Variants in XIRP2 observed in about 807,000 individuals in gnomAD.
XIRP2 encodes xin actin-binding repeat-containing protein 2.
XIRP2 carries 236 observed loss-of-function variants against 277.0 expected under a neutral mutation model. The ratio of observed to expected loss-of-function variants is 0.85; its 90% CI spans 0.77 to 0.95. The LOEUF is 0.95. Among genes scored for constraint, XIRP2 ranks in the 40% least tolerant of loss-of-function variants. The probability of loss-of-function intolerance (pLI) is 0.00; values close to 1 mark genes in which losing one functional copy is unlikely to be tolerated. For synonymous variants in XIRP2, 1,490 were observed against 1,416.5 expected (o/e 1.05, Z -1.17); for missense variants, 4,640 against 4,157.5 (o/e 1.12, Z -3.19).
Position 167,247,409 on chromosome 2 carries a change from A to T in XIRP2, c.6017A>T (p.His2006Leu). ...AGTCAAACTATGGGGAAATCTTGCC[A>T]TGGCAATTTAGTAGAAGAAAGAACT... ...TLSQTMGKSC[H>L]GNLVEERTEV... The change falls in exon 9 of 11, where the codon CAT becomes CTT. Residue 2006 changes from histidine (H) to leucine (L), a missense_variant. His to Leu is a moderately conservative substitution (Grantham distance 99). Transcript: ENST00000409195. 6.2e-7 allele frequency: 1 copy of T among 1,613,754 alleles called. No homozygotes were observed. The highest frequency in any genetic ancestry group is 8.5e-7 in the Non-Finnish European group (1 of 1,179,774).
In XIRP2 at chr2:167,082,252, A is replaced by G. The variant is rs1689759464; in HGVS notation, c.409-53657A>G. Among the ~76,000 whole-genome samples the G allele has an allele frequency of 2.0e-5, 3 of 152,146 alleles. No homozygotes were observed. In the South Asian group the frequency reaches 6.2e-4, roughly 31 times the overall value. On this transcript the variant is annotated intron_variant, in intron 2 of 10. Coordinates refer to ENST00000409195, the MANE Select transcript of XIRP2 (RefSeq NM_152381.6). ...AGAATGATGCTTTCCAATTTCATCC[A>G]TGTCCCTACAAAGGACATGAACTCA...
intron 2 of XIRP2, among the ~76,000 whole-genome samples, chr2:166,934,209 A>C (rs532004621): frequency 7.3e-5 from 11 of 151,102 alleles, no homozygotes; most frequent in East Asian, 1.9e-4. Context: ...AAAAAAAAAA[A>C]AAAAACAAAA....
chr2:167,252,721 G>A (rs1695551413), intron 9 of XIRP2, among the ~76,000 whole-genome samples: 1 of 151,718 alleles, frequency 6.6e-6, no homozygotes. Flanking sequence ...CAATTAATGA[G>A]GCTTCATGAT....
rs757686310 is a variant in XIRP2, at chr2:167,248,292, T to C, written c.6900T>C (p.Ser2300=). 25 of 1,613,546 alleles carry C rather than the reference T, an allele frequency of 1.5e-5. No individual in the cohort carries two copies. Among genetic ancestry groups the C allele is most frequent in the Non-Finnish European group, 1.9e-5 (23 of 1,179,780 alleles). Residue 2300 remains serine (S), a synonymous_variant, in exon 9 of 11, where the codon TCT becomes TCC. Transcript: ENST00000409195. ...CATCTCCACCTCCTCCACCACCTTC[T>C]AATGCATCATCTGAAATTGAATTTC... The part of the protein sequence containing the change: ...PPPSPPPPPP[S]NASSEIEFPL...
intron 2 of XIRP2, among the ~76,000 whole-genome samples, chr2:166,973,640 A>G (rs982869394): frequency 6.6e-6 from 1 of 152,172 alleles, no homozygotes; most frequent in African/African-American, 2.4e-5. Flanking sequence ...TCAGCATCAC[A>G]TGGACACTTC....
At chr2:166,937,605 C>G (rs1330264151) in intron 2 of XIRP2, among the ~76,000 whole-genome samples, 1 of 152,096 alleles carries the variant, frequency 6.6e-6, no homozygotes, top group Admixed American at 6.6e-5. Context: ...TGATGCTGGC[C>G]TCATAAAATG....
intron 2 of XIRP2, among the ~76,000 whole-genome samples, chr2:166,937,669 C>G (rs924760651): frequency 2.0e-5 from 3 of 152,094 alleles, no homozygotes; most frequent in Non-Finnish European, 4.4e-5. Flanking sequence ...CAGAAGGAAT[C>G]GTACCAGCTC....
chr2:167,099,633 G>T (rs1690433623), intron 2 of XIRP2, among the ~76,000 whole-genome samples: 1 of 152,058 alleles, frequency 6.6e-6, no homozygotes, highest in Non-Finnish European at 1.5e-5. Flanking sequence ...GGGCCCTTGT[G>T]GTGTAGGCAC....
At chr2:167,113,225 T>A (rs1240009738) in intron 2 of XIRP2, among the ~76,000 whole-genome samples, 1 of 152,122 alleles carries the variant, frequency 6.6e-6, no homozygotes, top group Non-Finnish European at 1.5e-5. Flanking sequence ...CCTTGATGAT[T>A]TGTCCAATAT....
chr2:167,169,035 G>A (rs78456957), intron 3 of XIRP2, among the ~76,000 whole-genome samples: 15,061 of 152,124 alleles, frequency 0.099, 800 homozygotes, highest in South Asian at 0.15. Flanking sequence ...TATTGTTTGC[G>A]TTTTATTCAT....
chr2:167,013,329 A>T (rs1206393697), intron 2 of XIRP2, among the ~76,000 whole-genome samples: 2 of 151,458 alleles, frequency 1.3e-5, no homozygotes, highest in African/African-American at 4.8e-5. Flanking sequence ...AATGTAGAGC[A>T]CATAGGAAAA....
chr2:166,916,094 T>C (rs892392874), intron 2 of XIRP2, among the ~76,000 whole-genome samples: 6 of 152,228 alleles, frequency 3.9e-5, no homozygotes, highest in African/African-American at 1.4e-4. Flanking sequence ...TTTCAGCATA[T>C]GTGAGTGTCA....
chr2:166,926,251 T>A (rs530805852), intron 2 of XIRP2, among the ~76,000 whole-genome samples: 1 of 152,146 alleles, frequency 6.6e-6, no homozygotes, highest in African/African-American at 2.4e-5. Flanking sequence ...ACATTTCTTT[T>A]AAAAATGTTT....
chr2:167,069,073 T>C (rs1177433258), intron 2 of XIRP2, among the ~76,000 whole-genome samples: 2 of 152,146 alleles, frequency 1.3e-5, no homozygotes, highest in Non-Finnish European at 2.9e-5. Context: ...TCAAGTCCTT[T>C]ATATAAAACG....
At chr2:167,178,197 A>G (rs1692907550) in intron 3 of XIRP2, among the ~76,000 whole-genome samples, 1 of 152,164 alleles carries the variant, frequency 6.6e-6, no homozygotes, top group South Asian at 2.1e-4. Flanking sequence ...TTCAGGATAC[A>G]TGAAAAACTT....
chr2:166,956,665 C>T (rs1325521981), intron 2 of XIRP2, among the ~76,000 whole-genome samples: 1 of 151,768 alleles, frequency 6.6e-6, no homozygotes, highest in African/African-American at 2.4e-5. Context: ...ATCATCTTAA[C>T]CACGTAGCTT....
At position 167,247,438 on chromosome 2, in the gene XIRP2, G is replaced by T. The variant is rs781511049; in HGVS notation, c.6046G>T (p.Val2016Phe). 1 of 1,613,638 alleles carries T rather than the reference G, an allele frequency of 6.2e-7. No homozygotes were observed. The highest frequency in any genetic ancestry group is 8.5e-7 in the Non-Finnish European group (1 of 1,179,740). ...HGNLVEERTE[V>F]NLPKAPKGTV... ...CAATTTAGTAGAAGAAAGAACTGAG[G>T]TTAATCTTCCAAAAGCCCCCAAAGG... is the stretch of plus-strand genomic sequence containing the variant. The change falls in exon 9 of 11, where the codon GTT becomes TTT. Residue 2016 changes from valine (V) to phenylalanine (F), a missense_variant. Physicochemically the swap from Val to Phe is conservative, Grantham distance 50 (BLOSUM62 -1). Transcript: ENST00000409195.
chr2:167,029,062 C>T (rs1688253802), intron 2 of XIRP2, among the ~76,000 whole-genome samples: 1 of 151,900 alleles, frequency 6.6e-6, no homozygotes, highest in African/African-American at 2.4e-5. Context: ...AACACACCCA[C>T]AAGAACTAGA....
intron 1 of XIRP2, among the ~76,000 whole-genome samples, chr2:166,893,214 C>T (rs2105326860): frequency 6.6e-6 from 1 of 151,844 alleles, no homozygotes; most frequent in Non-Finnish European, 1.5e-5. Flanking sequence ...TAAAAATATT[C>T]CAGAAAAATC....
Sources: gnomAD v4.1 joint callset for allele counts (sites outside exome capture counted in the v4.1 genomes callset) on GRCh38, gnomAD v4.1.1 for gene constraint, MANE v1.5 for transcripts, NCBI Gene and HGNC (gene_info 2026-07-23, HGNC 2026-07-21) for gene names.